ANKRD6: variants seen among roughly 807,000 people sequenced by gnomAD.
ANKRD6 encodes the protein ankyrin repeat domain 6, also known as ankyrin repeat domain-containing protein 6.
A neutral mutation model predicts 82.3 loss-of-function variants in ANKRD6; 56 were observed. The observed-to-expected ratio is 0.68, with a 90% confidence interval of 0.55 to 0.85. The LOEUF (loss-of-function observed/expected upper bound fraction) is 0.85. ANKRD6 is among the 40% of genes least tolerant of loss of function. The pLI is 0.00. For missense variants in ANKRD6, 852 were observed against 907.6 expected (o/e 0.94, Z 0.79); for synonymous variants, 347 against 352.1 (o/e 0.99, Z 0.16).
chr6:89,623,572 G>T, intron 11 of ANKRD6, 28 bp downstream of exon 11: 1 of 1,565,264 alleles, frequency 6.4e-7, no homozygotes, highest in Non-Finnish European at 8.7e-7. Flanking sequence ...GCAGCCCAGA[G>T]GGGTGGCTGG....
At chr6:89,480,642 A>T (rs2325218) in intron 1 of ANKRD6, among the ~76,000 whole-genome samples, 1 of 151,324 alleles carries the variant, frequency 6.6e-6, no homozygotes, top group Non-Finnish European at 1.5e-5. Flanking sequence ...TTTAAAAATC[A>T]GAAAAAAAAA....
At position 89,599,065 on chromosome 6, in the gene ANKRD6, C is replaced by T. The variant is rs1040681759; in HGVS notation, c.219+3051C>T. The stretch of plus-strand genomic sequence containing the variant: ...TAAAATGAGAGAATTAGACTTGGCA[C>T]ACAGTAGGGAGTCAATAAATATTCA... On this transcript the variant is annotated intron_variant, in intron 3 of 15. Transcript: ENST00000339746. 2.6e-5 allele frequency among the ~76,000 whole-genome samples: 4 copies of T among 152,072 alleles called. 1 individual carries two copies. The East Asian group carries it at 7.7e-4, about 29-fold the overall frequency.
intron 2 of ANKRD6, among the ~76,000 whole-genome samples, chr6:89,583,545 G>A (rs746437159): frequency 1.3e-5 from 2 of 152,210 alleles, no homozygotes; most frequent in Non-Finnish European, 2.9e-5. Context: ...AGGAAAAAGA[G>A]GCAGCCCCTC....
At chr6:89,480,895 T>C (rs1440324071) in intron 1 of ANKRD6, among the ~76,000 whole-genome samples, 2 of 130,838 alleles carry the variant, frequency 1.5e-5, no homozygotes, top group South Asian at 2.4e-4. Flanking sequence ...TGAGCCATCA[T>C]TGTGCCACAG....
chr6:89,623,932 C>CATGCT lies in ANKRD6; in HGVS notation c.1093_1094insATGCT (p.Leu365HisfsTer42). 6.2e-7 allele frequency: 1 copy of CATGCT among 1,613,938 alleles called. No individual in the cohort carries two copies. Among genetic ancestry groups the CATGCT allele is most frequent in the Admixed American group, 1.7e-5 (1 of 60,016 alleles). ...CCAACAGCCTGGACACCAGAAGAAC[C>CATGCT]TGCATGCTCATAATCACCCTAAAAA... On this transcript the variant is annotated frameshift_variant, in exon 12 of 16. Coordinates refer to ENST00000339746, the MANE Select transcript of ANKRD6 (RefSeq NM_001242809.2). LOFTEE classifies it high-confidence loss of function.
chr6:89,515,427 T>C (rs142854356), intron 1 of ANKRD6, among the ~76,000 whole-genome samples: 9 of 152,350 alleles, frequency 5.9e-5, no homozygotes, highest in African/African-American at 2.2e-4. Flanking sequence ...GGGTCTTTGG[T>C]CTTCACACAG....
chr6:89,471,939 CAA>C (rs749607605), intron 1 of ANKRD6, among the ~76,000 whole-genome samples: 4,108 of 51,968 alleles, frequency 0.079, 22 homozygotes, highest in South Asian at 0.2. Context: ...AACTCCATCT[CAA>C]AAAAAAAAAA....
At chr6:89,610,268 C>T (rs1799882033) in intron 5 of ANKRD6, among the ~76,000 whole-genome samples, 2 of 152,142 alleles carry the variant, frequency 1.3e-5, no homozygotes, top group African/African-American at 4.8e-5. Context: ...GTGGCAGGCC[C>T]CCAGTCACCC....
chr6:89,624,474 G>A (rs1385907236), intron 12 of ANKRD6, 65 bp from the exon 13 acceptor site: 2 of 1,524,730 alleles, frequency 1.3e-6, no homozygotes, highest in African/African-American at 1.4e-5. Context: ...CACGTGGATG[G>A]TGCTCAAAAC....
intron 9 of ANKRD6, 40 bp from the exon 10 acceptor site, chr6:89,621,882 G>A (rs374821871): frequency 2.3e-5 from 37 of 1,579,360 alleles, no homozygotes; most frequent in African/African-American, 1.1e-4. Context: ...CAGATGCTGC[G>A]CACACCAGTG....
At chr6:89,572,238 A>G (rs1225406083) in intron 2 of ANKRD6, among the ~76,000 whole-genome samples, 1 of 152,168 alleles carries the variant, frequency 6.6e-6, no homozygotes, top group Non-Finnish European at 1.5e-5. Flanking sequence ...ATAAACATTT[A>G]TGTGCAGTTT....
intron 1 of ANKRD6, among the ~76,000 whole-genome samples, chr6:89,526,425 G>A (rs551763002): frequency 6.6e-6 from 1 of 152,306 alleles, no homozygotes; most frequent in East Asian, 1.9e-4. Flanking sequence ...AGTAACAGCA[G>A]CTGTCAGCCC....
chr6:89,556,562 C>A (rs1786629136), intron 1 of ANKRD6, among the ~76,000 whole-genome samples: 1 of 152,178 alleles, frequency 6.6e-6, no homozygotes, highest in Non-Finnish European at 1.5e-5. Flanking sequence ...TACCTCTTGT[C>A]CCAATTTCTA....
At chr6:89,481,192 T>C (rs1006054641) in intron 1 of ANKRD6, among the ~76,000 whole-genome samples, 16 of 152,184 alleles carry the variant, frequency 1.1e-4, no homozygotes, top group African/African-American at 3.4e-4. Flanking sequence ...ACTTTAGCTC[T>C]TAAAGATAAA....
At chr6:89,596,124 C>CTAAAATGTGCTGCGAG in intron 3 of ANKRD6, 110 bp downstream of exon 3, 1 of 905,206 alleles carries the variant, frequency 1.1e-6, no homozygotes, top group Non-Finnish European at 1.8e-6. Flanking sequence ...GCTCTCGCAG[C>CTAAAATGTGCTGCGAG]ACATTTTAGC....
chr6:89,501,131 T>G (rs1314412450), intron 1 of ANKRD6, among the ~76,000 whole-genome samples: 1 of 152,196 alleles, frequency 6.6e-6, no homozygotes, highest in Non-Finnish European at 1.5e-5. Context: ...CATGTGATAC[T>G]TGGGATGCTT....
At chr6:89,525,374 G>A (rs888066626) in intron 1 of ANKRD6, among the ~76,000 whole-genome samples, 3 of 151,586 alleles carry the variant, frequency 2.0e-5, no homozygotes, top group Admixed American at 1.3e-4. Flanking sequence ...GCTCTCAGAT[G>A]GCAGCAAGTT....
At chr6:89,504,397 G>A (rs1045521753) in intron 1 of ANKRD6, among the ~76,000 whole-genome samples, 1 of 137,468 alleles carries the variant, frequency 7.3e-6, no homozygotes, top group Admixed American at 7.2e-5. Context: ...TCTCTCTCTC[G>A]CTCTCGCTCG....
intron 1 of ANKRD6, among the ~76,000 whole-genome samples, chr6:89,435,240 A>G (rs757449843): frequency 6.6e-6 from 1 of 152,176 alleles, no homozygotes; most frequent in Non-Finnish European, 1.5e-5. Context: ...TTAGAGTGCA[A>G]TGTAAAGAAT....
Sources: allele counts gnomAD v4.1 joint callset (sites outside exome capture counted in the v4.1 genomes callset), GRCh38; gene constraint gnomAD v4.1.1; transcripts MANE v1.5; gene names NCBI Gene and HGNC (gene_info 2026-07-23, HGNC 2026-07-21).